The following BARX2 variants were observed in gnomAD, a reference collection of about 807,000 sequenced individuals.
The protein encoded by BARX2 is BARX homeobox 2, also known as homeobox protein BarH-like 2.
BARX2 carries 11 observed loss-of-function variants against 25.5 expected under a neutral mutation model. The observed-to-expected ratio is 0.43, with a 90% CI of 0.27 to 0.71. The LOEUF (loss-of-function observed/expected upper bound fraction) is 0.71. Among genes scored for constraint, BARX2 ranks in the 30% least tolerant of loss-of-function variants. BARX2 has a pLI of 0.19. For synonymous variants in BARX2, 137 were observed against 149.5 expected (o/e 0.92, Z 0.61); for missense variants, 360 against 359.9 (o/e 1.00, Z 0.00).
chr11:129,396,391 CCTT>C (rs1430444568), intron 1 of BARX2, among the ~76,000 whole-genome samples: 2 of 150,686 alleles, frequency 1.3e-5, no homozygotes, highest in African/African-American at 4.9e-5. Flanking sequence ...TCCCCACTCA[CCTT>C]TTTTTTTTTT....
chr11:129,450,321 CA>C (rs1862382207), intron 3 of BARX2, among the ~76,000 whole-genome samples: 1 of 152,074 alleles, frequency 6.6e-6, no homozygotes, highest in African/African-American at 2.4e-5. Context: ...ATAGAAAAAA[CA>C]AAGATTAAAA....
chr11:129,443,350 T>G (rs1862286288), intron 3 of BARX2, among the ~76,000 whole-genome samples: 1 of 152,026 alleles, frequency 6.6e-6, no homozygotes, highest in Non-Finnish European at 1.5e-5. Context: ...TCAAACAACT[T>G]CCTTCTTCCT....
chr11:129,381,513 A>C (rs1390592597), intron 1 of BARX2, among the ~76,000 whole-genome samples: 1 of 152,236 alleles, frequency 6.6e-6, no homozygotes, highest in Non-Finnish European at 1.5e-5. Flanking sequence ...CTCTACCTAC[A>C]GGGTGTTATC....
Position 129,451,484 on chromosome 11 carries a change from C to A in BARX2, c.*82C>A. ...AGGGAGAGTAGGGAGAGAAAACCTT[C>A]CAGCAGCCCAGTAAACTGCGGGCGA... On this transcript the variant is annotated 3_prime_UTR_variant, in exon 4 of 4. Transcript: ENST00000281437. 1 of 1,487,542 alleles carries A rather than the reference C, an allele frequency of 6.7e-7. No homozygotes were observed. Among genetic ancestry groups the A allele is most frequent in the Non-Finnish European group, 9.1e-7 (1 of 1,097,526 alleles). The allele number at this position is 1,487,542 out of a possible 1,614,324, so 92.1% of individuals were successfully genotyped here. A position where few individuals can be genotyped will look rare whatever the true frequency, so the allele number is the denominator to read the frequency against.
intron 2 of BARX2, among the ~76,000 whole-genome samples, chr11:129,442,177 A>T (rs2307127): frequency 5.9e-5 from 9 of 152,062 alleles, no homozygotes; most frequent in African/African-American, 2.2e-4. Flanking sequence ...TCCATTAAGA[A>T]GTATTTTTTG....
chr11:129,439,533 C>A (rs1256447380), intron 2 of BARX2, among the ~76,000 whole-genome samples: 1 of 152,054 alleles, frequency 6.6e-6, no homozygotes, highest in Non-Finnish European at 1.5e-5. Context: ...ATCAACATTG[C>A]GGAAGGAAGC....
chr11:129,390,444 A>G lies in BARX2; in HGVS notation c.187+14222A>G, dbSNP rs1861655648. On this transcript the variant is annotated intron_variant, in intron 1 of 3. Coordinates refer to ENST00000281437, the MANE Select transcript of BARX2 (RefSeq NM_003658.5). This position sits in a 1 kb window ranked among gnomAD's most constrained non-coding sequence, Gnocchi z 4.3. ...ATGGATCGTTGGCATCTTGTTGAGAATATTCTATTCAGCCTGTGGATTCAG... is the reference window on the plus strand; with the variant it reads ...ATGGATCGTTGGCATCTTGTTGAGAGTATTCTATTCAGCCTGTGGATTCAG... Among the ~76,000 whole-genome samples the G allele has an allele frequency of 6.6e-6, 1 of 152,174 alleles. No individual in the cohort carries two copies. The highest frequency in any genetic ancestry group is 1.5e-5 in the Non-Finnish European group (1 of 68,024).
intron 3 of BARX2, 115 bp from the exon 4 acceptor site, chr11:129,451,021 G>A (rs1049004355): frequency 3.7e-6 from 5 of 1,362,850 alleles, no homozygotes; most frequent in Non-Finnish European, 5.0e-6. Flanking sequence ...GCCAAATCCT[G>A]CAATTTCACT....
intron 1 of BARX2, among the ~76,000 whole-genome samples, chr11:129,397,563 A>T (rs902098591): frequency 6.6e-6 from 1 of 152,150 alleles, no homozygotes; most frequent in East Asian, 1.9e-4. Context: ...AGCTAACAAC[A>T]CTTATCGTTT....
At position 129,436,879 on chromosome 11, in the gene BARX2, G is replaced by T; in HGVS notation, c.316G>T (p.Val106Phe). 6.2e-7 allele frequency: 1 copy of T among 1,614,046 alleles called. No individual in the cohort carries two copies. The highest frequency in any genetic ancestry group is 8.5e-7 in the Non-Finnish European group (1 of 1,179,996). ...ALSCHQVTEAVSAEAPGGEAL... is the reference protein window; with the variant it reads ...ALSCHQVTEAFSAEAPGGEAL... ...GTCCTGCCACCAGGTCACCGAGGCGGTCTCTGCTGAGGCCCCAGGGGGCGA... is the reference window on the plus strand; with the variant it reads ...GTCCTGCCACCAGGTCACCGAGGCGTTCTCTGCTGAGGCCCCAGGGGGCGA... Residue 106 changes from valine to phenylalanine, a missense_variant, in exon 2 of 4, where the codon GTC (valine) becomes TTC (phenylalanine). Physicochemically the swap from Val to Phe is conservative, Grantham distance 50. Around this residue, in one of 3 missense-constraint regions of BARX2, gnomAD observed 240 missense variants for 228.7 expected, o/e 1.05. Transcript: ENST00000281437. The surrounding 1 kb of genome is among the most constrained non-coding windows in gnomAD (Gnocchi z 4.5).
chr11:129,426,716 C>T (rs1862067747), intron 1 of BARX2, among the ~76,000 whole-genome samples: 1 of 152,154 alleles, frequency 6.6e-6, no homozygotes, highest in African/African-American at 2.4e-5. Flanking sequence ...TTGGTTCTGT[C>T]TTGTGACCCC....
intron 1 of BARX2, among the ~76,000 whole-genome samples, chr11:129,422,413 C>T (rs904124727): frequency 6.6e-6 from 1 of 152,200 alleles, no homozygotes; most frequent in African/African-American, 2.4e-5. Context: ...ATCCTCCTGC[C>T]TCAGCCCCCC....
At chr11:129,385,930 A>C (rs1302178886) in intron 1 of BARX2, among the ~76,000 whole-genome samples, 1 of 152,258 alleles carries the variant, frequency 6.6e-6, no homozygotes, top group Non-Finnish European at 1.5e-5. Flanking sequence ...ATTTAAATAC[A>C]GAGCTTGTTG....
At chr11:129,406,329 A>G (rs993710383) in intron 1 of BARX2, among the ~76,000 whole-genome samples, 2 of 152,258 alleles carry the variant, frequency 1.3e-5, no homozygotes, top group Admixed American at 6.5e-5. Context: ...AATGGCTCAA[A>G]GAGATTAATT....
intron 3 of BARX2, among the ~76,000 whole-genome samples, chr11:129,450,626 A>G (rs1011185680): frequency 6.6e-6 from 1 of 152,198 alleles, no homozygotes; most frequent in Non-Finnish European, 1.5e-5. Context: ...ATTTTTGCAG[A>G]TCAATCTTTG....
chr11:129,411,026 GTC>G (rs1345820016), intron 1 of BARX2, among the ~76,000 whole-genome samples: 3 of 152,198 alleles, frequency 2.0e-5, no homozygotes, highest in Non-Finnish European at 2.9e-5. Context: ...AGATGTCCCA[GTC>G]TCTCTGTTGG....
At chr11:129,409,849 CT>C (rs1235610201) in intron 1 of BARX2, among the ~76,000 whole-genome samples, 1 of 152,052 alleles carries the variant, frequency 6.6e-6, no homozygotes, top group East Asian at 1.9e-4. Flanking sequence ...CTGTTATAGT[CT>C]TTTATTTATA....
At chr11:129,399,704 G>A (rs1418388706) in intron 1 of BARX2, among the ~76,000 whole-genome samples, 1 of 152,190 alleles carries the variant, frequency 6.6e-6, no homozygotes. Context: ...CTCAGGGGCA[G>A]TTCTACAGTC....
chr11:129,436,702 T>A lies in BARX2; in HGVS notation c.188-49T>A, dbSNP rs1186732177. On this transcript the variant is annotated intron_variant, in intron 1 of 3. Transcript: ENST00000281437. This position sits in a 1 kb window ranked among gnomAD's most constrained non-coding sequence, Gnocchi z 4.5. Reference sequence around the variant, plus strand: ...CGGCCCTCCGCAGGTCCTGGCCTGCTTCCCCACACCGTTCCCTGTGGTGAC... The same window carrying A: ...CGGCCCTCCGCAGGTCCTGGCCTGCATCCCCACACCGTTCCCTGTGGTGAC... The A allele has an allele frequency of 2.0e-6, 3 of 1,517,470 alleles. No homozygotes were observed. The highest frequency in any genetic ancestry group is 1.9e-4 in the Middle Eastern group (1 of 5,326). The allele number at this position is 1,517,470 out of a possible 1,614,324, so 94.0% of individuals were successfully genotyped here.
Sources: gnomAD v4.1 joint callset for allele counts (sites outside exome capture counted in the v4.1 genomes callset) on GRCh38, gnomAD v4.1.1 for gene constraint, gnomAD v4.1.1 regional missense constraint, Gnocchi (gnomAD v3.1) non-coding constraint, MANE v1.5 for transcripts, NCBI Gene and HGNC (gene_info 2026-07-23, HGNC 2026-07-21) for gene names.